The following RSPH14 variants were observed in gnomAD, a reference collection of about 807,000 sequenced individuals.
RSPH14 encodes rhabdoid tumor deletion region gene 1.
RSPH14 carries 20 observed loss-of-function variants against 26.7 expected under a neutral mutation model. The ratio of observed to expected loss-of-function variants is 0.75; its 90% confidence interval spans 0.53 to 1.09. RSPH14 has a LOEUF of 1.09. Among genes scored for constraint, RSPH14 ranks in the 50% least tolerant of loss-of-function variants. The probability of loss-of-function intolerance (pLI) is 0.00; values close to 1 mark genes in which losing one functional copy is unlikely to be tolerated. For missense variants in RSPH14, 449 were observed against 457.2 expected (o/e 0.98, Z 0.16); for synonymous variants, 177 against 189.3 (o/e 0.93, Z 0.53).
At chr22:23,059,804 C>T (rs2068053592) in intron 6 of RSPH14, 86 bp from the exon 7 acceptor site, 2 of 1,403,834 alleles carry the variant, frequency 1.4e-6, no homozygotes, top group Admixed American at 2.4e-5. Context: ...CCTGACCCTC[C>T]TCCTTGTGCA....
chr22:23,109,960 C>T (rs2069599852), intron 4 of RSPH14, among the ~76,000 whole-genome samples: 1 of 152,224 alleles, frequency 6.6e-6, no homozygotes, highest in African/African-American at 2.4e-5. Context: ...GACAGGAGCT[C>T]ACTGAGTCAT....
chr22:23,103,799 C>G (rs2069375591), intron 4 of RSPH14, among the ~76,000 whole-genome samples: 1 of 152,194 alleles, frequency 6.6e-6, no homozygotes, highest in African/African-American at 2.4e-5. Flanking sequence ...CTATCCCTTC[C>G]TCCCTCAGGT....
chr22:23,094,547 C>T (rs1357509830), intron 4 of RSPH14, among the ~76,000 whole-genome samples: 1 of 152,196 alleles, frequency 6.6e-6, no homozygotes, highest in African/African-American at 2.4e-5. Flanking sequence ...CACGTGCAGC[C>T]CCCAGCTCCT....
intron 4 of RSPH14, among the ~76,000 whole-genome samples, chr22:23,091,351 C>T (rs1170036150): frequency 2.0e-5 from 3 of 151,968 alleles, no homozygotes; most frequent in East Asian, 1.9e-4. Flanking sequence ...CACATAGGCA[C>T]CTATGCATAC....
chr22:23,111,092 C>A (rs1214907428), intron 4 of RSPH14, among the ~76,000 whole-genome samples: 2 of 152,206 alleles, frequency 1.3e-5, no homozygotes, highest in Non-Finnish European at 2.9e-5. Context: ...GCGCGCCTTC[C>A]CTGTGAGCGT....
intron 1 of RSPH14, 55 bp downstream of exon 1, chr22:23,141,894 G>A: frequency 1.3e-6 from 1 of 778,526 alleles, no homozygotes; most frequent in Non-Finnish European, 1.6e-6. Flanking sequence ...ATGGGACTGG[G>A]TGGGTCACTG....
At chr22:23,180,551 C>T in the RSPH14 span, 1 of 184,786 alleles carries the variant, frequency 5.4e-6, no homozygotes, top group Non-Finnish European at 1.1e-5. Flanking sequence ...AGCCGGCTGG[C>T]TGAGCTTAGC....
At chr22:23,160,908 G>A in the RSPH14 span, 19 of 1,613,734 alleles carry the variant, frequency 1.2e-5, no homozygotes, top group African/African-American at 8.0e-5. Flanking sequence ...CTTCAGCCGC[G>A]TAGCCGCCCT....
At chr22:23,165,752 CAT>C in the RSPH14 span, among the ~76,000 whole-genome samples, 2 of 152,164 alleles carry the variant, frequency 1.3e-5, no homozygotes, top group African/African-American at 4.8e-5. Flanking sequence ...TGGCCTCCCT[CAT>C]ATGAGTGGCA....
intron 4 of RSPH14, among the ~76,000 whole-genome samples, chr22:23,128,608 C>T (rs1441091881): frequency 6.6e-6 from 1 of 152,166 alleles, no homozygotes; most frequent in East Asian, 1.9e-4. Flanking sequence ...TGGGGTGCCC[C>T]CTCCTGGTTA....
At chr22:23,141,618 T>C (rs141075836) in intron 1 of RSPH14, among the ~76,000 whole-genome samples, 1 of 152,352 alleles carries the variant, frequency 6.6e-6, no homozygotes, top group Non-Finnish European at 1.5e-5. Flanking sequence ...GTTATTATCA[T>C]GGTTAGTAGA....
the RSPH14 span, among the ~76,000 whole-genome samples, chr22:23,155,489 C>G: frequency 1.3e-5 from 2 of 152,340 alleles, no homozygotes; most frequent in African/African-American, 4.8e-5. Flanking sequence ...TCTCCAACTC[C>G]TACTTTGGGA....
chr22:23,160,297 G>A, the RSPH14 span, among the ~76,000 whole-genome samples: 4 of 152,184 alleles, frequency 2.6e-5, no homozygotes, highest in African/African-American at 9.7e-5. Flanking sequence ...TGAGTTCACC[G>A]ACAGCTCACT....
At chr22:23,167,432 C>G in the RSPH14 span, among the ~76,000 whole-genome samples, 2 of 152,170 alleles carry the variant, frequency 1.3e-5, no homozygotes, top group Non-Finnish European at 2.9e-5. Context: ...ATCTTTCAAC[C>G]CTGTCCCCTG....
intron 4 of RSPH14, among the ~76,000 whole-genome samples, chr22:23,112,996 G>C (rs1357176748): frequency 3.5e-4 from 53 of 152,162 alleles, no homozygotes; most frequent in Admixed American, 3.5e-3. Context: ...GTCTGACGTG[G>C]CCCATTTTAC....
chr22:23,149,957 G>T, upstream of RSPH14: 1 of 861,620 alleles, frequency 1.2e-6, no homozygotes, highest in Non-Finnish European at 1.9e-6. Flanking sequence ...CCAGCTGTGA[G>T]GCCTAGGAAG....
At position 23,071,127 on chromosome 22, in the gene RSPH14, G is replaced by A. The variant is rs769160579; in HGVS notation, c.422-6994C>T. Among the ~76,000 whole-genome samples the A allele has an allele frequency of 5.3e-5, 8 of 152,224 alleles. No individual in the cohort carries two copies. Among genetic ancestry groups the A allele is most frequent in the Non-Finnish European group, 1.2e-4 (8 of 68,026 alleles). On this transcript the variant is annotated intron_variant, in intron 4 of 6. Coordinates refer to ENST00000216036, the MANE Select transcript of RSPH14 (RefSeq NM_014433.3). The surrounding 1 kb of genome is among the most constrained non-coding windows in gnomAD (Gnocchi z 4.1). ...TCTTGCAGCGAGCAGGTTCCTCACA[G>A]GCATTTAGAGGAAGAGATGAGTATC...
chr22:23,063,074 CAG>C (rs1035770889), intron 5 of RSPH14, among the ~76,000 whole-genome samples: 1 of 152,084 alleles, frequency 6.6e-6, no homozygotes, highest in Non-Finnish European at 1.5e-5. Flanking sequence ...GTTACAGTTT[CAG>C]AGAGAGAGAG....
chr22:23,141,323 G>A (rs932105226), intron 1 of RSPH14, among the ~76,000 whole-genome samples: 7 of 96,082 alleles, frequency 7.3e-5, no homozygotes, highest in Admixed American at 3.8e-4. Context: ...GCAAGACTCC[G>A]TCTCAAAAAA....
Sources: gnomAD v4.1 joint callset for allele counts (sites outside exome capture counted in the v4.1 genomes callset) on GRCh38, gnomAD v4.1.1 for gene constraint, Gnocchi (gnomAD v3.1) non-coding constraint, MANE v1.5 for transcripts, NCBI Gene and HGNC (gene_info 2026-07-23, HGNC 2026-07-21) for gene names.